Variants in SCEL observed in about 807,000 individuals in gnomAD.
The protein encoded by SCEL is sciellin.
Under a neutral mutation model 117.6 loss-of-function variants are expected in SCEL, and 113 were observed. That is an observed-to-expected ratio of 0.96 (90% CI 0.83 to 1.12). SCEL has a LOEUF of 1.12. Ranked by LOEUF, SCEL falls within the 50% of genes most tolerant of loss-of-function variation. The probability of loss-of-function intolerance (pLI) is 0.00; values close to 1 mark genes in which losing one functional copy is unlikely to be tolerated. For missense variants in SCEL, 785 were observed against 810.8 expected, an observed-to-expected ratio of 0.97 and a Z score of 0.39; for synonymous variants, 270 against 256.2, an observed-to-expected ratio of 1.05 and a Z score of -0.51.
chr13:77,559,716 G>T lies in SCEL; in HGVS notation c.162-88G>T. ...AATGAATTAACCTTGCCAAAAATTG[G>T]GAGCTCGCCCGCATGTCTCTCTCAT... is the stretch of plus-strand genomic sequence containing the variant. On this transcript the variant is annotated intron_variant, in intron 3 of 32. Transcript: ENST00000349847. The T allele has an allele frequency of 1.8e-6, 2 of 1,129,734 alleles. 1 individual carries two copies. The highest frequency in any genetic ancestry group is 2.8e-5 in the South Asian group (2 of 70,558). The allele number at this position is 1,129,734 out of a possible 1,614,324, so 70.0% of individuals were successfully genotyped here. A position where few individuals can be genotyped will look rare whatever the true frequency, so the allele number is the denominator to read the frequency against.
chr13:77,560,900 C>T (rs100270), intron 4 of SCEL, among the ~76,000 whole-genome samples: 31,606 of 151,806 alleles, frequency 0.21, 4,124 homozygotes, highest in African/African-American at 0.36. Context: ...ACTTGGGACA[C>T]GTCTATTTTG....
chr13:77,610,158 C>T lies in SCEL; in HGVS notation c.1337+52C>T, dbSNP rs1414903409. On this transcript the variant is annotated intron_variant, in intron 22 of 32. Coordinates refer to ENST00000349847, the MANE Select transcript of SCEL (RefSeq NM_144777.3). Reference sequence around the variant, plus strand: ...TCCCCCCTTTTTTTTTCCTAATGAGCTTAAAAACATGACAAATTGTGCGGT... The same window carrying T: ...TCCCCCCTTTTTTTTTCCTAATGAGTTTAAAAACATGACAAATTGTGCGGT... 10 of 1,324,970 alleles carry T rather than the reference C, an allele frequency of 7.5e-6. No individual in the cohort carries two copies. In the Admixed American group the frequency reaches 1.5e-4, roughly 20 times the overall value. 82.1% of individuals were successfully genotyped at this position (1,324,970 alleles called of 1,614,324 possible).
Position 77,567,721 on chromosome 13 carries a change from A to G in SCEL, c.332A>G (p.Asn111Ser), listed in dbSNP as rs1387358300. The change falls in exon 6 of 33, where the codon AAT becomes AGT. Residue 111 changes from asparagine to serine, a missense_variant. Coordinates refer to ENST00000349847, the MANE Select transcript of SCEL (RefSeq NM_144777.3). ...RNDAAKTYKANTLDNQLTNRS... is the reference protein window; with the variant it reads ...RNDAAKTYKASTLDNQLTNRS... ...GATGCTGCTAAAACATATAAGGCCA[A>G]TACCTTGGATAACCAACTAACCAAT... 6.2e-7 allele frequency: 1 copy of G among 1,607,874 alleles called. No individual in the cohort carries two copies. Among genetic ancestry groups the G allele is most frequent in the South Asian group, 1.1e-5 (1 of 90,034 alleles).
intron 8 of SCEL, 112 bp from the exon 9 acceptor site, chr13:77,572,012 T>A: frequency 1.2e-6 from 1 of 856,130 alleles, no homozygotes; most frequent in East Asian, 2.7e-5. Flanking sequence ...TCATTTTACT[T>A]CCAAGGTTTG....
chr13:77,554,647 G>GT (rs1022112160), intron 1 of SCEL, among the ~76,000 whole-genome samples: 3 of 152,180 alleles, frequency 2.0e-5, no homozygotes, highest in African/African-American at 7.2e-5. Context: ...TAACAAAGTA[G>GT]TTTTTTATGT....
chr13:77,595,842 A>G (rs902168206), intron 12 of SCEL, among the ~76,000 whole-genome samples: 4 of 152,156 alleles, frequency 2.6e-5, no homozygotes, highest in African/African-American at 9.7e-5. Context: ...GATACCTAAA[A>G]CTACTTGACA....
At chr13:77,539,382 A>G (rs2083578136) in intron 1 of SCEL, among the ~76,000 whole-genome samples, 1 of 151,886 alleles carries the variant, frequency 6.6e-6, no homozygotes, top group South Asian at 2.1e-4. Flanking sequence ...TACAAGAAAA[A>G]TTTAAAATCT....
In SCEL at chr13:77,602,099, C is replaced by A; in HGVS notation, c.952C>A (p.Gln318Lys). The A allele has an allele frequency of 1.2e-6, 2 of 1,611,434 alleles. No homozygotes were observed. Among genetic ancestry groups the A allele is most frequent in the South Asian group, 2.2e-5 (2 of 90,572 alleles). ...QSLGSPIKVN[Q>K]RTDKNEKGRQ... ...CCTTGGAAGTCCGATTAAAGTTAAT[C>A]AAAGGACTGACAAAAATGAGAAAGG... is the stretch of plus-strand genomic sequence containing the variant. Residue 318 changes from glutamine (Q) to lysine (K), a missense_variant, in exon 16 of 33, where the codon CAA becomes AAA. Transcript: ENST00000349847.
At chr13:77,604,299 A>G in intron 18 of SCEL, 57 bp from the exon 19 acceptor site, 2 of 1,085,702 alleles carry the variant, frequency 1.8e-6, no homozygotes, top group African/African-American at 1.6e-5. Flanking sequence ...GCCATTATTC[A>G]TCTGATTAGT....
At chr13:77,553,443 A>T (rs2154395421) in intron 1 of SCEL, among the ~76,000 whole-genome samples, 1 of 152,230 alleles carries the variant, frequency 6.6e-6, no homozygotes, top group Admixed American at 6.5e-5. Flanking sequence ...AAGAGAAAAA[A>T]AAATATATCA....
intron 10 of SCEL, among the ~76,000 whole-genome samples, chr13:77,590,394 A>C (rs1414359558): frequency 6.6e-6 from 1 of 152,134 alleles, no homozygotes; most frequent in Non-Finnish European, 1.5e-5. Context: ...TGTTTGTATG[A>C]TGGTTATAAT....
At chr13:77,624,588 A>G (rs923198997) in intron 27 of SCEL, among the ~76,000 whole-genome samples, 2 of 152,184 alleles carry the variant, frequency 1.3e-5, no homozygotes, top group African/African-American at 4.8e-5. Flanking sequence ...GGGAGTACAT[A>G]GTTCAACCCA....
At position 77,568,332 on chromosome 13, in the gene SCEL, T is replaced by C; in HGVS notation, c.397T>C (p.Leu133=). 1 of 1,552,538 alleles carries C rather than the reference T, an allele frequency of 6.4e-7. No homozygotes were observed. The highest frequency in any genetic ancestry group is 8.9e-7 in the Non-Finnish European group (1 of 1,129,864). ...GTTTAGATCACTGGAAGTAACAAAG[T>C]TGTATGTATTCTTTCTAATTGTAGT... ...SMFRSLEVTK[L]QPGGSLNANT... Residue 133 remains leucine (L), a splice_region_variant and synonymous_variant, in exon 7 of 33, where the codon TTG becomes CTG. Coordinates refer to ENST00000349847, the MANE Select transcript of SCEL (RefSeq NM_144777.3).
At chr13:77,584,129 G>C (rs1349258716) in intron 9 of SCEL, among the ~76,000 whole-genome samples, 1 of 152,204 alleles carries the variant, frequency 6.6e-6, no homozygotes, top group African/African-American at 2.4e-5. Context: ...TCTCAAAGCA[G>C]AATTCAATGA....
intron 31 of SCEL, 42 bp downstream of exon 31, chr13:77,640,826 A>G (rs748383582): frequency 9.9e-7 from 1 of 1,010,812 alleles, no homozygotes; most frequent in Non-Finnish European, 1.5e-6. Context: ...AAAAAATTGC[A>G]TAATAACTGG....
chr13:77,573,653 C>A (rs145563899), intron 9 of SCEL, among the ~76,000 whole-genome samples: 224 of 151,900 alleles, frequency 1.5e-3, no homozygotes, highest in Non-Finnish European at 2.4e-3. Context: ...ATCTATCTAT[C>A]TATCTATCTA....
chr13:77,622,975 C>A (rs1313362946), intron 27 of SCEL, among the ~76,000 whole-genome samples: 1 of 152,166 alleles, frequency 6.6e-6, no homozygotes, highest in East Asian at 1.9e-4. Flanking sequence ...ATTCCACCTG[C>A]CCATAAATGT....
intron 16 of SCEL, chr13:77,602,382 C>A: frequency 2.1e-6 from 1 of 481,826 alleles, no homozygotes; most frequent in Non-Finnish European, 3.6e-6. Context: ...AGAGATGAGT[C>A]AAATTTTAAT....
chr13:77,625,034 C>T (rs1377969505), intron 27 of SCEL, among the ~76,000 whole-genome samples: 1 of 152,196 alleles, frequency 6.6e-6, no homozygotes, highest in Non-Finnish European at 1.5e-5. Flanking sequence ...CCCTATAAAA[C>T]TAGCACTCAG....
Sources: allele counts gnomAD v4.1 joint callset (sites outside exome capture counted in the v4.1 genomes callset), GRCh38; gene constraint gnomAD v4.1.1; transcripts MANE v1.5; gene names NCBI Gene and HGNC (gene_info 2026-07-23, HGNC 2026-07-21).